The following GRIA2 variants were observed in gnomAD, a reference collection of about 807,000 sequenced individuals.
The protein encoded by GRIA2 is glutamate receptor 2.
In GRIA2, 14 loss-of-function variants were observed where a neutral mutation model predicts 97.3. The ratio of observed to expected loss-of-function variants is 0.14; its 90% CI spans 0.10 to 0.23. The LOEUF (loss-of-function observed/expected upper bound fraction) is 0.23. Among genes scored for constraint, GRIA2 ranks in the 10% least tolerant of loss-of-function variants. The pLI is 1.00. For synonymous variants in GRIA2, 412 were observed against 387.8 expected (o/e 1.06, Z -0.73); for missense variants, 558 against 1,069.8 (o/e 0.52, Z 6.67).
chr4:157,283,327 A>G (rs1417181446), intron 2 of GRIA2, among the ~76,000 whole-genome samples: 2 of 152,002 alleles, frequency 1.3e-5, no homozygotes, highest in Admixed American at 6.6e-5. Context: ...GTGGTATTCT[A>G]TCTTTCCAGA....
At chr4:157,267,636 GTTGT>G (rs547934739) in intron 2 of GRIA2, among the ~76,000 whole-genome samples, 109 of 152,074 alleles carry the variant, frequency 7.2e-4, no homozygotes, top group African/African-American at 2.1e-3. Context: ...GTTTATTGTT[GTTGT>G]TTGTTTGTTT....
rs193132291 is a variant in GRIA2, at chr4:157,306,947, A to G, written c.469+3156A>G. Among the ~76,000 whole-genome samples, 698 of 152,246 alleles carry G rather than the reference A, an allele frequency of 4.6e-3. 7 individuals are homozygous for G. Among genetic ancestry groups the G allele is most frequent in the Non-Finnish European group, 7.1e-3 (483 of 68,012 alleles). ...AACCACAGTCTGGAAAATAGATCCC[A>G]TGGTTTCATCACTCTACTTAGATCT... On this transcript the variant is annotated intron_variant, in intron 3 of 15. Coordinates refer to ENST00000264426, the MANE Select transcript of GRIA2 (RefSeq NM_001083619.3).
chr4:157,226,065 C>T (rs1729731898), intron 2 of GRIA2, among the ~76,000 whole-genome samples: 1 of 151,880 alleles, frequency 6.6e-6, no homozygotes, highest in Non-Finnish European at 1.5e-5. Flanking sequence ...ATTTACTCCC[C>T]AGAACCTTCC....
At chr4:157,243,408 T>A (rs1219399011) in intron 2 of GRIA2, among the ~76,000 whole-genome samples, 2 of 152,094 alleles carry the variant, frequency 1.3e-5, no homozygotes, top group Non-Finnish European at 2.9e-5. Context: ...TTGAAAGGAT[T>A]TGGATCTGAG....
In GRIA2 at chr4:157,355,686, ATATT is replaced by A. The variant is rs1335251031; in HGVS notation, c.2044-4202_2044-4199del. ...TATTTATTTTTATATATTTATTTAT[ATATT>A]TATTTATATATATTTGTATATATTT... On this transcript the variant is annotated intron_variant, in intron 12 of 15. Transcript: ENST00000264426. Among the ~76,000 whole-genome samples the A allele has an allele frequency of 6.1e-4, 51 of 82,932 alleles. No individual in the cohort carries two copies. In the East Asian group the frequency reaches 0.022, roughly 37 times the overall value. The allele number at this position is 82,932 out of a possible 152,430, so 54.4% of individuals were successfully genotyped here. A position where few individuals can be genotyped will look rare whatever the true frequency, so the allele number is the denominator to read the frequency against.
intron 12 of GRIA2, among the ~76,000 whole-genome samples, chr4:157,355,605 T>G (rs1370233202): frequency 7.2e-6 from 1 of 139,702 alleles, no homozygotes; most frequent in Admixed American, 7.7e-5. Context: ...TATATATATT[T>G]ATATATATTT....
chr4:157,347,399 C>T (rs1286604254), intron 12 of GRIA2, among the ~76,000 whole-genome samples: 2 of 152,192 alleles, frequency 1.3e-5, no homozygotes, highest in African/African-American at 4.8e-5. Flanking sequence ...AATAAGATTA[C>T]AGGAAGCTTT....
intron 3 of GRIA2, 58 bp downstream of exon 3, chr4:157,303,849 A>T (rs1194521303): frequency 3.3e-6 from 5 of 1,533,260 alleles, no homozygotes; most frequent in Non-Finnish European, 4.5e-6. Flanking sequence ...TACACTTGAC[A>T]CTTCTATGGA....
chr4:157,295,700 A>G (rs1051857104), intron 2 of GRIA2, among the ~76,000 whole-genome samples: 1 of 152,114 alleles, frequency 6.6e-6, no homozygotes, highest in African/African-American at 2.4e-5. Context: ...TGCAAAGTAG[A>G]TGGTTTAACT....
rs1729513256 is a variant in GRIA2, at chr4:157,221,887, GT to G, written c.229+81del. The G allele has an allele frequency of 7.7e-6, 10 of 1,302,364 alleles. No individual in the cohort carries two copies. In the Admixed American group the frequency reaches 1.7e-4, roughly 22 times the overall value. 80.7% of individuals were successfully genotyped at this position (1,302,364 alleles called of 1,614,324 possible). On this transcript the variant is annotated intron_variant, in intron 2 of 15. Transcript: ENST00000264426. ...GTGAGTGTGTGTGTGCGTTTCTGGG[GT>G]GGTGTGTGTGCGTTTCTGTGTGTCA...
chr4:157,237,286 T>A (rs1730295201), intron 2 of GRIA2, among the ~76,000 whole-genome samples: 1 of 142,880 alleles, frequency 7.0e-6, no homozygotes, highest in Non-Finnish European at 1.5e-5. Context: ...TTGAAATGTA[T>A]AAGTTTTTTT....
intron 12 of GRIA2, among the ~76,000 whole-genome samples, chr4:157,345,752 C>A (rs939856723): frequency 1.3e-5 from 2 of 152,104 alleles, no homozygotes; most frequent in Non-Finnish European, 2.9e-5. Flanking sequence ...TCTGTTCCTT[C>A]TGGTTGTCTC....
chr4:157,222,277 C>G (rs934964593), intron 2 of GRIA2, among the ~76,000 whole-genome samples: 18 of 152,186 alleles, frequency 1.2e-4, no homozygotes, highest in African/African-American at 4.1e-4. Context: ...CAGCAGCTGC[C>G]GCTCTCGCCC....
chr4:157,234,595 T>C (rs927320140), intron 2 of GRIA2, among the ~76,000 whole-genome samples: 3 of 152,120 alleles, frequency 2.0e-5, no homozygotes, highest in African/African-American at 7.2e-5. Context: ...CACTGATACA[T>C]TTGTGCAATA....
At chr4:157,261,450 A>T (rs190103226) in intron 2 of GRIA2, among the ~76,000 whole-genome samples, 31 of 152,210 alleles carry the variant, frequency 2.0e-4, no homozygotes, top group African/African-American at 7.5e-4. Flanking sequence ...TGTTTTGAGT[A>T]CTATTTTTTA....
In GRIA2 at chr4:157,363,922, C is replaced by A; in HGVS notation, c.*491C>A. 1 of 194,514 alleles carries A rather than the reference C, an allele frequency of 5.1e-6. No homozygotes were observed. The highest frequency in any genetic ancestry group is 1.0e-5 in the Non-Finnish European group (1 of 96,276). The allele number at this position is 194,514 out of a possible 1,614,324, so 12.0% of individuals were successfully genotyped here. On this transcript the variant is annotated 3_prime_UTR_variant, in exon 16 of 16. Coordinates refer to ENST00000264426, the MANE Select transcript of GRIA2 (RefSeq NM_001083619.3). ...ATAATGACTTAAGCACACTTGACAT[C>A]AACTGCATCAAGATGTGACATGTTT... is the stretch of plus-strand genomic sequence containing the variant.
intron 2 of GRIA2, among the ~76,000 whole-genome samples, chr4:157,275,851 G>A (rs1732281381): frequency 6.6e-6 from 1 of 152,008 alleles, no homozygotes; most frequent in Admixed American, 6.6e-5. Context: ...TGGCGATGTG[G>A]GCTCTTTTTT....
At chr4:157,222,684 C>G (rs1474932198) in intron 2 of GRIA2, among the ~76,000 whole-genome samples, 2 of 152,236 alleles carry the variant, frequency 1.3e-5, no homozygotes, top group African/African-American at 4.8e-5. Context: ...GTTTGAAAAT[C>G]TGGAGAAGTC....
intron 2 of GRIA2, among the ~76,000 whole-genome samples, chr4:157,289,921 C>A (rs182384155): frequency 1.3e-5 from 2 of 151,674 alleles, no homozygotes; most frequent in Non-Finnish European, 2.9e-5. Context: ...TTTCTTGTGA[C>A]GTTTTCTAGC....
Sources: gnomAD v4.1 joint callset for allele counts (sites outside exome capture counted in the v4.1 genomes callset) on GRCh38, gnomAD v4.1.1 for gene constraint, MANE v1.5 for transcripts, NCBI Gene and HGNC (gene_info 2026-07-23, HGNC 2026-07-21) for gene names.